The following CLIC5 variants were observed in gnomAD, a reference collection of about 807,000 sequenced individuals.
CLIC5 encodes the protein CLIC family member 5.
Under a neutral mutation model 24.7 loss-of-function variants are expected in CLIC5, and 20 were observed. The ratio of observed to expected loss-of-function variants is 0.81; its 90% CI spans 0.57 to 1.18. The LOEUF is 1.18. Among genes scored for constraint, CLIC5 ranks in the 50% most tolerant of loss-of-function variants. The pLI is 0.00. For synonymous variants in CLIC5, 159 were observed against 135.6 expected, an observed-to-expected ratio of 1.17 and a Z score of -1.20; for missense variants, 341 against 326.1, an observed-to-expected ratio of 1.05 and a Z score of -0.35.
chr6:46,097,720 A>T, the CLIC5 span, among the ~76,000 whole-genome samples: 3 of 152,256 alleles, frequency 2.0e-5, no homozygotes, highest in Non-Finnish European at 2.9e-5. Flanking sequence ...AAATGTCTTG[A>T]TAGTTAAGAT....
chr6:45,955,695 C>T (rs976965497), intron 1 of CLIC5, among the ~76,000 whole-genome samples: 9 of 152,200 alleles, frequency 5.9e-5, no homozygotes, highest in Middle Eastern at 3.4e-3. Flanking sequence ...TGCTTTCCTT[C>T]GGCTACCTAG....
chr6:46,109,732 A>T, the CLIC5 span, among the ~76,000 whole-genome samples: 1 of 152,114 alleles, frequency 6.6e-6, no homozygotes, highest in African/African-American at 2.4e-5. Context: ...GCTTACAACA[A>T]TAGGGTAAAG....
the CLIC5 span, among the ~76,000 whole-genome samples, chr6:46,094,468 G>C: frequency 6.6e-6 from 1 of 152,164 alleles, no homozygotes; most frequent in African/African-American, 2.4e-5. Flanking sequence ...TATAGGCATT[G>C]GGTAAATACT....
intron 4 of CLIC5, among the ~76,000 whole-genome samples, chr6:45,917,417 T>G (rs1329357112): frequency 6.6e-6 from 1 of 152,142 alleles, no homozygotes; most frequent in East Asian, 1.9e-4. Context: ...GTCAATATAT[T>G]CCTGAATATC....
intron 1 of CLIC5, chr6:46,079,698 C>G: frequency 6.5e-7 from 1 of 1,549,264 alleles, no homozygotes; most frequent in East Asian, 2.4e-5. Flanking sequence ...AGAGGCAGAC[C>G]TTACCTTCAC....
upstream of CLIC5, among the ~76,000 whole-genome samples, chr6:46,017,335 A>G (rs1045486531): frequency 1.1e-4 from 16 of 152,224 alleles, no homozygotes; most frequent in African/African-American, 3.1e-4. Flanking sequence ...ATAAGTAATA[A>G]TACTTATTAT....
chr6:45,917,227 T>A (rs908655348), intron 4 of CLIC5, among the ~76,000 whole-genome samples: 29 of 152,186 alleles, frequency 1.9e-4, no homozygotes, highest in African/African-American at 5.6e-4. Flanking sequence ...CTCATCTCAA[T>A]AACGGGACTA....
rs147424825 is a variant in CLIC5, at chr6:45,991,535, C to T, written c.63+23945G>A. On this transcript the variant is annotated intron_variant, in intron 1 of 5. Transcript: ENST00000339561. ...CTAAGCCATTGTCAGATTCCTGACACGTAGAAACTGTGAGATAAGAAAGGT... is the reference window on the plus strand; with the variant it reads ...CTAAGCCATTGTCAGATTCCTGACATGTAGAAACTGTGAGATAAGAAAGGT... Among the ~76,000 whole-genome samples, 821 of 152,330 alleles carry T rather than the reference C, an allele frequency of 5.4e-3. 8 individuals are homozygous for T. Among genetic ancestry groups the T allele is most frequent in the African/African-American group, 0.018 (754 of 41,560 alleles).
chr6:45,882,339 T>C (rs1762271054), intron 6 of CLIC5, among the ~76,000 whole-genome samples: 1 of 152,280 alleles, frequency 6.6e-6, no homozygotes, highest in Non-Finnish European at 1.5e-5. Context: ...CTCAGATTAA[T>C]TGATGTCATT....
chr6:45,907,800 C>T lies in CLIC5; in HGVS notation c.589-4545G>A, dbSNP rs536312697. ...CCTTTACTGAAGTTGTTGATCAGTT[C>T]CAGGAGCCTTTTGGTGAAGTCTGTA... is the stretch of plus-strand genomic sequence containing the variant. On this transcript the variant is annotated intron_variant, in intron 5 of 5. Transcript: ENST00000339561. Among the ~76,000 whole-genome samples the T allele has an allele frequency of 8.4e-4, 128 of 152,136 alleles. 1 individual carries two copies. Among genetic ancestry groups the T allele is most frequent in the African/African-American group, 3.0e-3 (124 of 41,522 alleles).
At chr6:45,928,357 A>T (rs1449651332) in intron 4 of CLIC5, among the ~76,000 whole-genome samples, 1 of 152,242 alleles carries the variant, frequency 6.6e-6, no homozygotes, top group Non-Finnish European at 1.5e-5. Context: ...TTTCAGCCCC[A>T]GCTCTACCAA....
intron 1 of CLIC5, among the ~76,000 whole-genome samples, chr6:45,973,148 C>T (rs1282282091): frequency 2.0e-5 from 3 of 152,186 alleles, no homozygotes; most frequent in African/African-American, 7.2e-5. Context: ...GCATGTTCAT[C>T]TCGAACAGGC....
At chr6:45,988,332 G>A (rs1053146592) in intron 1 of CLIC5, among the ~76,000 whole-genome samples, 1 of 152,172 alleles carries the variant, frequency 6.6e-6, no homozygotes, top group Non-Finnish European at 1.5e-5. Context: ...TTAGCCTGCT[G>A]GGGTGGCAGT....
intron 4 of CLIC5, among the ~76,000 whole-genome samples, chr6:45,933,726 G>A (rs1372989879): frequency 6.6e-6 from 1 of 152,226 alleles, no homozygotes; most frequent in Non-Finnish European, 1.5e-5. Context: ...GCCCAGACAG[G>A]CTGTTCTGTG....
intron 3 of CLIC5, among the ~76,000 whole-genome samples, chr6:45,945,998 T>C (rs546923585): frequency 3.4e-4 from 52 of 152,348 alleles, no homozygotes; most frequent in African/African-American, 1.3e-3. Flanking sequence ...AATAACCAGC[T>C]CTGGAAGAGT....
At chr6:45,917,604 A>G (rs1225962551) in intron 4 of CLIC5, among the ~76,000 whole-genome samples, 3 of 152,172 alleles carry the variant, frequency 2.0e-5, no homozygotes, top group African/African-American at 7.2e-5. Flanking sequence ...GTTGAAAGGC[A>G]CACCCATAGC....
intron 4 of CLIC5, among the ~76,000 whole-genome samples, chr6:45,940,746 T>C (rs1336477496): frequency 6.6e-6 from 1 of 152,120 alleles, no homozygotes; most frequent in Non-Finnish European, 1.5e-5. Context: ...AGGATAAAAA[T>C]CCAAGCCCCC....
rs1049189333 is a variant in CLIC5, at chr6:45,898,566, C to T, written c.*4522G>A. 3.9e-5 allele frequency: 6 copies of T among 152,590 alleles called. No individual in the cohort carries two copies. Among genetic ancestry groups the T allele is most frequent in the Non-Finnish European group, 7.3e-5 (5 of 68,034 alleles). 9.5% of individuals were successfully genotyped at this position (152,590 alleles called of 1,614,324 possible). A position where few individuals can be genotyped will look rare whatever the true frequency, so the allele number is the denominator to read the frequency against. Reference sequence around the variant, plus strand: ...TGAGGAAAACACTCAGCTGTATCTTCATTAAAAGGCATTTTACATTTATTA... The same window carrying T: ...TGAGGAAAACACTCAGCTGTATCTTTATTAAAAGGCATTTTACATTTATTA... On this transcript the variant is annotated 3_prime_UTR_variant, in exon 6 of 6. Coordinates refer to ENST00000339561, the MANE Select transcript of CLIC5 (RefSeq NM_016929.5).
chr6:45,981,446 CA>C (rs577948084), intron 1 of CLIC5, among the ~76,000 whole-genome samples: 110 of 152,260 alleles, frequency 7.2e-4, no homozygotes, highest in African/African-American at 2.5e-3. Flanking sequence ...AAATATACCT[CA>C]AAAAGTAATG....
Sources: allele counts gnomAD v4.1 joint callset (sites outside exome capture counted in the v4.1 genomes callset), GRCh38; gene constraint gnomAD v4.1.1; transcripts MANE v1.5; gene names NCBI Gene and HGNC (gene_info 2026-07-23, HGNC 2026-07-21).